PSMC2: variants seen among roughly 807,000 people sequenced by gnomAD.
The protein encoded by PSMC2 is proteasome 26S subunit, ATPase 2.
A neutral mutation model predicts 53.3 loss-of-function variants in PSMC2; 7 were observed. The ratio of observed to expected loss-of-function variants is 0.13; its 90% CI spans 0.07 to 0.25. The LOEUF (loss-of-function observed/expected upper bound fraction) is 0.25, where lower values mean the gene tolerates loss of function less well. Among genes scored for constraint, PSMC2 ranks in the 10% least tolerant of loss-of-function variants. PSMC2 has a pLI of 1.00. For missense variants in PSMC2, 241 were observed against 544.0 expected (o/e 0.44, Z 5.54); for synonymous variants, 169 against 183.9 (o/e 0.92, Z 0.66).
At position 103,366,117 on chromosome 7, in the gene PSMC2, A is replaced by G. The variant is rs1429473692; in HGVS notation, c.798A>G (p.Thr266=). ...MVRELFEMAR[T]KKACLIFFDE... ...GTGAACTCTTTGAAATGGCCAGAAC[A>G]AAAAAAGCCTGCCTTATCTTCTTTG... Residue 266 remains threonine, a synonymous_variant, in exon 9 of 12, where the codon ACA becomes ACG. Coordinates refer to ENST00000292644, the MANE Select transcript of PSMC2 (RefSeq NM_002803.4). The G allele has an allele frequency of 1.2e-6, 2 of 1,613,242 alleles. No individual in the cohort carries two copies. The highest frequency in any genetic ancestry group is 1.7e-6 in the Non-Finnish European group (2 of 1,179,424).
chr7:103,366,258 A>T, intron 9 of PSMC2, 95 bp downstream of exon 9: 1 of 1,076,524 alleles, frequency 9.3e-7, no homozygotes, highest in South Asian at 1.4e-5. Context: ...ACAGAATTTT[A>T]ACTCCAACTC....
intron 4 of PSMC2, among the ~76,000 whole-genome samples, chr7:103,360,991 G>T (rs1345211064): frequency 6.6e-6 from 1 of 152,066 alleles, no homozygotes; most frequent in Non-Finnish European, 1.5e-5. Context: ...GCGCATTCCT[G>T]TAATGCCAGC....
intron 1 of PSMC2, chr7:103,348,590 C>CT (rs1269065478): frequency 2.0e-6 from 2 of 990,158 alleles, no homozygotes; most frequent in African/African-American, 1.6e-5. Flanking sequence ...TCGTTGCACT[C>CT]TGAGACCAAG....
intron 8 of PSMC2, 75 bp downstream of exon 8, chr7:103,364,382 T>G: frequency 6.5e-7 from 1 of 1,532,800 alleles, no homozygotes; most frequent in Non-Finnish European, 8.9e-7. Context: ...AAATGGCACT[T>G]CTGCATTGAG....
At chr7:103,362,796 T>A in intron 6 of PSMC2, 38 bp downstream of exon 6, 30 of 596,928 alleles carry the variant, frequency 5.0e-5, no homozygotes, top group Non-Finnish European at 7.2e-5. Context: ...GGCTATGTCT[T>A]TTTTTTTTTT....
At chr7:103,353,989 A>G (rs1467513150) in intron 2 of PSMC2, 31 bp downstream of exon 2, 1 of 1,492,714 alleles carries the variant, frequency 6.7e-7, no homozygotes, top group Non-Finnish European at 9.1e-7. Flanking sequence ...CAAACTATAG[A>G]TGTTTTATGT....
chr7:103,363,506 A>C, intron 7 of PSMC2, 67 bp downstream of exon 7: 1 of 1,379,756 alleles, frequency 7.2e-7, no homozygotes, highest in East Asian at 2.3e-5. Context: ...TGAGCACTAA[A>C]ATTGCTTGTA....
At chr7:103,363,479 A>G (rs1563494128) in intron 7 of PSMC2, 40 bp downstream of exon 7, 2 of 1,545,976 alleles carry the variant, frequency 1.3e-6, no homozygotes, top group Non-Finnish European at 1.8e-6. Flanking sequence ...CTTTGTATAA[A>G]GATGTCTTTT....
At chr7:103,356,307 G>A (rs1820029128) in intron 4 of PSMC2, among the ~76,000 whole-genome samples, 1 of 152,134 alleles carries the variant, frequency 6.6e-6, no homozygotes, top group Non-Finnish European at 1.5e-5. Flanking sequence ...TATACACAGT[G>A]CTGTAGTGAA....
rs563010277 is a variant in PSMC2, at chr7:103,359,190, G to T, written c.291-2767G>T. The stretch of plus-strand genomic sequence containing the variant: ...TTTTTTAATTTTTAGTAGAGACAGG[G>T]TCTTGCCATGTTGCCTGGGCTGCTC... On this transcript the variant is annotated intron_variant, in intron 4 of 11. Coordinates refer to ENST00000292644, the MANE Select transcript of PSMC2 (RefSeq NM_002803.4). 1.7e-3 allele frequency among the ~76,000 whole-genome samples: 222 copies of T among 130,950 alleles called. 2 individuals are homozygous for T. The highest frequency in any genetic ancestry group is 2.8e-3 in the Non-Finnish European group (183 of 64,282). 85.9% of individuals were successfully genotyped at this position (130,950 alleles called of 152,430 possible).
intron 1 of PSMC2, 73 bp downstream of exon 1, chr7:103,347,854 C>A: frequency 1.3e-6 from 2 of 1,533,402 alleles, no homozygotes; most frequent in Non-Finnish European, 1.8e-6. Context: ...TGGAGAGGAG[C>A]TGGATTCCCG....
rs770492655 is a variant in PSMC2 at position 103,368,062 on chromosome 7, A to G, written c.*8A>G. On this transcript the variant is annotated 3_prime_UTR_variant, in exon 12 of 12. Transcript: ENST00000292644. ...TACATGACATACAACTGAACCCTGA[A>G]GGCTTTCAAGTGAAAACTTTAAATT... 2 of 1,589,686 alleles carry G rather than the reference A, an allele frequency of 1.3e-6. No individual in the cohort carries two copies. Among genetic ancestry groups the G allele is most frequent in the East Asian group, 4.5e-5 (2 of 44,468 alleles).
Position 103,366,176 on chromosome 7 carries a change from C to T in PSMC2, c.844+13C>T, listed in dbSNP as rs760231306. The T allele has an allele frequency of 1.9e-5, 30 of 1,586,462 alleles. No individual in the cohort carries two copies. The highest frequency in any genetic ancestry group is 2.5e-5 in the Non-Finnish European group (29 of 1,155,856). ...GATGCTATTGGAGGTGAGAATGATA[C>T]GTTAGAGAACTGCTTTAGGATTCAG... On this transcript the variant is annotated intron_variant, in intron 9 of 11. Transcript: ENST00000292644.
intron 8 of PSMC2, among the ~76,000 whole-genome samples, chr7:103,364,952 G>GACAT (rs1167644445): frequency 4.5e-4 from 20 of 44,644 alleles, no homozygotes; most frequent in African/African-American, 5.4e-4. Flanking sequence ...TATGTTTGTA[G>GACAT]ACATACATAT....
At chr7:103,349,681 C>A (rs956976100) in intron 1 of PSMC2, among the ~76,000 whole-genome samples, 1 of 152,158 alleles carries the variant, frequency 6.6e-6, no homozygotes, top group Admixed American at 6.5e-5. Flanking sequence ...AACTCCTGAC[C>A]TCAGGTGATC....
intron 4 of PSMC2, among the ~76,000 whole-genome samples, chr7:103,357,824 T>G (rs759445883): frequency 1.3e-5 from 2 of 152,220 alleles, no homozygotes; most frequent in Non-Finnish European, 2.9e-5. Flanking sequence ...CCTCCCACTT[T>G]CTCTTGATTG....
At chr7:103,364,113 G>A in intron 7 of PSMC2, 30 bp from the exon 8 acceptor site, 1 of 1,604,748 alleles carries the variant, frequency 6.2e-7, no homozygotes, top group South Asian at 1.1e-5. Context: ...TACAGAAGTG[G>A]TAAGTGTGAA....
chr7:103,365,522 G>A (rs1311910052), intron 8 of PSMC2, among the ~76,000 whole-genome samples: 3 of 152,134 alleles, frequency 2.0e-5, no homozygotes, highest in African/African-American at 4.8e-5. Flanking sequence ...CCAGCTCCTC[G>A]GGAGGCCGAG....
rs771485377 is a variant in PSMC2, at chr7:103,362,708, A to G, written c.445A>G (p.Ile149Val). The change falls in exon 6 of 12, where the codon ATT (isoleucine) becomes GTT (valine). Residue 149 changes from isoleucine to valine, a missense_variant. Ile to Val is a conservative substitution (Grantham distance 29). This residue lies in a region of PSMC2 where 75 missense variants were observed against 185.1 expected (regional missense o/e 0.41). Transcript: ENST00000292644. ...RVGVDRNKYQ[I>V]HIPLPPKIDP... is the part of the protein sequence containing the mutation. ...TAGCGTGGATAGAAATAAATATCAAATTCACATTCCATTGCCTCCTAAGAT... is the reference window on the plus strand; with the variant it reads ...TAGCGTGGATAGAAATAAATATCAAGTTCACATTCCATTGCCTCCTAAGAT... The G allele has an allele frequency of 6.2e-7, 1 of 1,606,100 alleles. No individual in the cohort carries two copies. The highest frequency in any genetic ancestry group is 2.2e-5 in the East Asian group (1 of 44,850).
Sources: gnomAD v4.1 joint callset for allele counts (sites outside exome capture counted in the v4.1 genomes callset) on GRCh38, gnomAD v4.1.1 for gene constraint, gnomAD v4.1.1 regional missense constraint, MANE v1.5 for transcripts, NCBI Gene and HGNC (gene_info 2026-07-23, HGNC 2026-07-21) for gene names.